The following DYNAP variants were observed in gnomAD, a reference collection of about 807,000 sequenced individuals.
DYNAP encodes dynactin-associated protein.
In DYNAP, 7 loss-of-function variants were observed where a neutral mutation model predicts 8.5. That is an observed-to-expected ratio of 0.82 (90% CI 0.47 to 1.54). The LOEUF (loss-of-function observed/expected upper bound fraction) is 1.54, where lower values mean the gene tolerates loss of function less well. DYNAP is among the 40% of genes most tolerant of loss of function. The probability of loss-of-function intolerance (pLI) is 0.01; values close to 1 mark genes in which losing one functional copy is unlikely to be tolerated. For missense variants in DYNAP, 256 were observed against 224.3 expected (o/e 1.14, Z -0.90); for synonymous variants, 77 against 77.9 (o/e 0.99, Z 0.06).
the DYNAP span, among the ~76,000 whole-genome samples, chr18:54,576,784 C>A: frequency 1.4e-5 from 2 of 147,690 alleles, no homozygotes; most frequent in East Asian, 2.0e-4. Flanking sequence ...GCCTTGGTGA[C>A]AGAGTGAGAT....
rs1213079754 is a variant in DYNAP, at chr18:54,599,167, C to G, written c.*1022C>G. 6.6e-6 allele frequency: 1 copy of G among 152,096 alleles called. No individual in the cohort carries two copies. The highest frequency in any genetic ancestry group is 1.5e-5 in the Non-Finnish European group (1 of 67,994). 9.4% of individuals were successfully genotyped at this position (152,096 alleles called of 1,614,324 possible). A position where few individuals can be genotyped will look rare whatever the true frequency, so the allele number is the denominator to read the frequency against. On this transcript the variant is annotated 3_prime_UTR_variant, in exon 3 of 3. Transcript: ENST00000648945. The stretch of plus-strand genomic sequence containing the variant: ...CACTTTGGACACATGTTCTCAGGAC[C>G]TCCTGAGGGCTATGTCATGAGCCAT...
At chr18:54,590,938 G>A (rs1270879713), upstream of DYNAP, among the ~76,000 whole-genome samples, 1 of 152,140 alleles carries the variant, frequency 6.6e-6, no homozygotes, top group Non-Finnish European at 1.5e-5. Flanking sequence ...ATCTCAGAAC[G>A]TTTTTCTGGG....
At chr18:54,591,193 TTTAA>T, upstream of DYNAP, 1 of 1,607,556 alleles carries the variant, frequency 6.2e-7, no homozygotes, top group Non-Finnish European at 8.5e-7. Context: ...CCACCAGTGT[TTTAA>T]TTGTTTCATG....
chr18:54,579,780 T>C, the DYNAP span, among the ~76,000 whole-genome samples: 1 of 152,256 alleles, frequency 6.6e-6, no homozygotes, highest in Non-Finnish European at 1.5e-5. Flanking sequence ...ACTTCTCTGA[T>C]GGAATTTTCA....
the DYNAP span, among the ~76,000 whole-genome samples, chr18:54,577,435 G>T: frequency 2.0e-5 from 3 of 151,906 alleles, no homozygotes; most frequent in South Asian, 2.1e-4. Context: ...AAAAAAATTA[G>T]CAGGGCATGG....
At chr18:54,592,380 T>TA (rs1424146194) in intron 1 of DYNAP, among the ~76,000 whole-genome samples, 1 of 152,188 alleles carries the variant, frequency 6.6e-6, no homozygotes, top group Non-Finnish European at 1.5e-5. Flanking sequence ...TGTTTTTTTT[T>TA]ACAGCATATA....
At chr18:54,592,877 C>T (rs1911136219) in intron 1 of DYNAP, among the ~76,000 whole-genome samples, 1 of 152,088 alleles carries the variant, frequency 6.6e-6, no homozygotes. Context: ...CTAACAGGGC[C>T]AGAAAATTCT....
At chr18:54,593,926 C>A (rs764259265) in intron 1 of DYNAP, among the ~76,000 whole-genome samples, 101 of 151,890 alleles carry the variant, frequency 6.6e-4, no homozygotes, top group Non-Finnish European at 9.9e-4. Context: ...AGAGAGAGAT[C>A]CCATCTCAAC....
chr18:54,591,098 T>G, upstream of DYNAP: 1 of 1,162,772 alleles, frequency 8.6e-7, no homozygotes, highest in Non-Finnish European at 1.2e-6. Context: ...AACATTTCAT[T>G]TCCTCCTCTA....
chr18:54,594,812 G>T (rs1311168710), intron 1 of DYNAP, 127 bp from the exon 2 acceptor site: 3 of 1,007,954 alleles, frequency 3.0e-6, no homozygotes, highest in Admixed American at 3.1e-5. Flanking sequence ...TATCTTCAGG[G>T]GATAAGAAAA....
chr18:54,593,166 CAGG>C (rs1911149205), intron 1 of DYNAP, among the ~76,000 whole-genome samples: 1 of 151,984 alleles, frequency 6.6e-6, no homozygotes. Context: ...TGTCCACTGC[CAGG>C]AGTATCCCAT....
chr18:54,596,731 G>A (rs1361422956), intron 2 of DYNAP, among the ~76,000 whole-genome samples: 2 of 152,036 alleles, frequency 1.3e-5, no homozygotes, highest in African/African-American at 4.8e-5. Flanking sequence ...TTTTAAGTTT[G>A]TGTGATGCAG....
chr18:54,578,774 A>G, the DYNAP span, among the ~76,000 whole-genome samples: 1 of 151,966 alleles, frequency 6.6e-6, no homozygotes, highest in African/African-American at 2.4e-5. Context: ...GGAAAAGGCA[A>G]TTTTTTTATT....
chr18:54,594,626 T>C (rs1480176062), intron 1 of DYNAP, among the ~76,000 whole-genome samples: 1 of 152,112 alleles, frequency 6.6e-6, no homozygotes, highest in Non-Finnish European at 1.5e-5. Flanking sequence ...CTCACCATCC[T>C]CTTCCTTATA....
rs773416779 is a variant in DYNAP, at chr18:54,591,266, A to G, written c.-17A>G. ...AAATATTCTTGGAGAGAAGCTTGTG[A>G]TACTGGCAGCTCAAGAATGGACAGA... On this transcript the variant is annotated 5_prime_UTR_variant, in exon 1 of 3. Coordinates refer to ENST00000648945, the MANE Select transcript of DYNAP (RefSeq NM_173629.3). 2 of 1,612,832 alleles carry G rather than the reference A, an allele frequency of 1.2e-6. No homozygotes were observed. The highest frequency in any genetic ancestry group is 2.7e-5 in the African/African-American group (2 of 74,862).
At chr18:54,589,363 C>T (rs950357138), upstream of DYNAP, among the ~76,000 whole-genome samples, 7 of 152,036 alleles carry the variant, frequency 4.6e-5, no homozygotes, top group Non-Finnish European at 1.0e-4. Flanking sequence ...TGAGAGGTAT[C>T]CATGCTGTCT....
chr18:54,593,893 C>T (rs1911181375), intron 1 of DYNAP, among the ~76,000 whole-genome samples: 1 of 152,086 alleles, frequency 6.6e-6, no homozygotes. Context: ...ATGACTGTGT[C>T]TCTTCACTAC....
In DYNAP at chr18:54,596,197, T is replaced by C. The variant is rs113578907; in HGVS notation, c.222+1094T>C. 2.4e-3 allele frequency among the ~76,000 whole-genome samples: 358 copies of C among 152,132 alleles called. 3 individuals are homozygous for C. Among genetic ancestry groups the C allele is most frequent in the African/African-American group, 7.7e-3 (320 of 41,528 alleles). On this transcript the variant is annotated intron_variant, in intron 2 of 2. Coordinates refer to ENST00000648945, the MANE Select transcript of DYNAP (RefSeq NM_173629.3). ...AAACAATCCTCCCATCTCAGCCTGC[T>C]AAGTAGCTAGGACCACATGCATATG...
chr18:54,576,285 G>A, the DYNAP span, among the ~76,000 whole-genome samples: 1 of 152,208 alleles, frequency 6.6e-6, no homozygotes, highest in Middle Eastern at 3.4e-3. Flanking sequence ...AGGTCATAGG[G>A]TAGATGTATA....
Sources: gnomAD v4.1 joint callset for allele counts (sites outside exome capture counted in the v4.1 genomes callset) on GRCh38, gnomAD v4.1.1 for gene constraint, MANE v1.5 for transcripts, NCBI Gene and HGNC (gene_info 2026-07-23, HGNC 2026-07-21) for gene names.